WDPCP: variants seen among roughly 807,000 people sequenced by gnomAD.
The protein encoded by WDPCP is WD repeat-containing and planar cell polarity effector protein fritz homolog.
In WDPCP, 71 loss-of-function variants were observed where a neutral mutation model predicts 93.1. The ratio of observed to expected loss-of-function variants is 0.76; its 90% CI spans 0.63 to 0.93. WDPCP has a LOEUF of 0.93. WDPCP is among the 40% of genes least tolerant of loss of function. WDPCP has a pLI of 0.00. For synonymous variants in WDPCP, 315 were observed against 315.0 expected, an observed-to-expected ratio of 1.00 and a Z score of 0.00; for missense variants, 844 against 887.4, an observed-to-expected ratio of 0.95 and a Z score of 0.62.
intron 14 of WDPCP, among the ~76,000 whole-genome samples, chr2:63,186,884 A>G (rs139713214): frequency 2.0e-5 from 3 of 151,980 alleles, no homozygotes; most frequent in African/African-American, 7.2e-5. Context: ...TTGGGGGAAA[A>G]AAAAGAGAAG....
chr2:63,465,974 T>C (rs1054782804), intron 6 of WDPCP, among the ~76,000 whole-genome samples: 10 of 152,312 alleles, frequency 6.6e-5, no homozygotes, highest in African/African-American at 2.2e-4. Flanking sequence ...TGCCTGTGAA[T>C]TCACTGTAGT....
At chr2:63,145,412 C>T (rs1234147406) in intron 17 of WDPCP, among the ~76,000 whole-genome samples, 1 of 152,088 alleles carries the variant, frequency 6.6e-6, no homozygotes, top group African/African-American at 2.4e-5. Flanking sequence ...CTCAGACTCT[C>T]CTTGGGCAGG....
chr2:63,533,044 A>T (rs940210969), intron 1 of WDPCP, among the ~76,000 whole-genome samples: 1 of 152,172 alleles, frequency 6.6e-6, no homozygotes. Context: ...AACAAAAAAA[A>T]GCAGGGGTTG....
chr2:63,774,913 T>C (rs1670280601), intron 2 of WDPCP, among the ~76,000 whole-genome samples: 1 of 152,152 alleles, frequency 6.6e-6, no homozygotes, highest in Admixed American at 6.6e-5. Flanking sequence ...CTGTCTAAAA[T>C]ATAAGTCACA....
intron 1 of WDPCP, among the ~76,000 whole-genome samples, chr2:63,502,271 T>G (rs1473724056): frequency 6.6e-6 from 1 of 152,238 alleles, no homozygotes; most frequent in Non-Finnish European, 1.5e-5. Context: ...TATGTTCAAT[T>G]GAATAGTGAC....
intron 12 of WDPCP, chr2:63,377,823 A>AT (rs1388227991): frequency 1.3e-5 from 2 of 153,078 alleles, no homozygotes; most frequent in African/African-American, 4.9e-5. Context: ...ATGCTATTGT[A>AT]TTTTTCCTTT....
rs72813415 is a variant in WDPCP at position 63,150,905 on chromosome 2, T to C, written c.2190+2009A>G. Reference sequence around the variant, plus strand: ...TTTCACAAGAAGACTTTGCAAACAATGACAGCCTGTTATAATCTGTATCTT... The same window carrying C: ...TTTCACAAGAAGACTTTGCAAACAACGACAGCCTGTTATAATCTGTATCTT... On this transcript the variant is annotated intron_variant, in intron 17 of 17. Transcript: ENST00000272321. Among the ~76,000 whole-genome samples, 1,230 of 152,290 alleles carry C rather than the reference T, an allele frequency of 8.1e-3. 13 individuals are homozygous for C. Among genetic ancestry groups the C allele is most frequent in the Middle Eastern group, 0.014 (4 of 294 alleles).
intron 1 of WDPCP, among the ~76,000 whole-genome samples, chr2:63,823,276 G>A (rs556117357): frequency 6.6e-6 from 1 of 151,686 alleles, no homozygotes; most frequent in South Asian, 2.1e-4. Context: ...GGGAGGCCAA[G>A]GTGGACAGAT....
upstream of WDPCP, among the ~76,000 whole-genome samples, chr2:63,591,271 C>T (rs1217923876): frequency 1.3e-5 from 2 of 152,236 alleles, no homozygotes; most frequent in East Asian, 3.8e-4. Flanking sequence ...TCCTGCTTTT[C>T]AACTGCAATG....
intron 14 of WDPCP, among the ~76,000 whole-genome samples, chr2:63,190,487 C>T (rs1674963349): frequency 6.9e-6 from 1 of 145,180 alleles, no homozygotes; most frequent in Non-Finnish European, 1.5e-5. Context: ...TGCTAAAGGA[C>T]ATATTTTGGG....
upstream of WDPCP, chr2:63,589,045 T>C (rs201285458): frequency 6.2e-7 from 1 of 1,614,264 alleles, no homozygotes; most frequent in Non-Finnish European, 8.5e-7. Context: ...TTTTCAATCA[T>C]GGTGAGTGTG....
intron 1 of WDPCP, among the ~76,000 whole-genome samples, chr2:63,587,925 G>A (rs1410510053): frequency 6.6e-6 from 1 of 152,230 alleles, no homozygotes; most frequent in Non-Finnish European, 1.5e-5. Context: ...TCCTGGAAGG[G>A]AGAGGCTCAC....
Position 63,230,133 on chromosome 2 carries a change from T to C in WDPCP, c.1915+29174A>G, listed in dbSNP as rs193057828. 9.8e-4 allele frequency among the ~76,000 whole-genome samples: 130 copies of C among 133,140 alleles called. 1 individual carries two copies. Among genetic ancestry groups the C allele is most frequent in the African/African-American group, 3.3e-3 (120 of 36,604 alleles). 87.3% of individuals were successfully genotyped at this position (133,140 alleles called of 152,430 possible). A position where few individuals can be genotyped will look rare whatever the true frequency, so the allele number is the denominator to read the frequency against. ...CTGGTGTGTGATGTTCCCCACCCTG[T>C]GTCCAAGTATTCTCATTCTTCAATT... On this transcript the variant is annotated intron_variant, in intron 14 of 17. Coordinates refer to ENST00000272321, the MANE Select transcript of WDPCP (RefSeq NM_015910.7).
intron 2 of WDPCP, among the ~76,000 whole-genome samples, chr2:63,716,357 G>GCTTTGT: frequency 6.6e-6 from 1 of 152,272 alleles, no homozygotes; most frequent in East Asian, 1.9e-4. Context: ...CACTATTGCA[G>GCTTTGT]TAAGCTCCTC....
chr2:63,732,179 T>C (rs1039647148), intron 2 of WDPCP, among the ~76,000 whole-genome samples: 9 of 152,212 alleles, frequency 5.9e-5, no homozygotes, highest in African/African-American at 2.2e-4. Context: ...TATGCAATCA[T>C]AGCTTTCAAG....
intron 3 of WDPCP, chr2:63,595,446 T>C (rs1003470971): frequency 6.2e-7 from 1 of 1,612,098 alleles, no homozygotes; most frequent in Non-Finnish European, 8.5e-7. Context: ...TGCTGTTGGA[T>C]ATCACCCCCA....
rs1694385958 is a variant in WDPCP at position 63,404,303 on chromosome 2, C to G, written c.1180G>C (p.Val394Leu). 6.2e-7 allele frequency: 1 copy of G among 1,614,168 alleles called. No homozygotes were observed. Among genetic ancestry groups the G allele is most frequent in the Admixed American group, 1.7e-5 (1 of 59,996 alleles). Residue 394 changes from valine (V) to leucine (L), a missense_variant, in exon 10 of 18, where the codon GTT (valine) becomes CTT (leucine). Transcript: ENST00000272321. ...SCHPSGAILLVGSNQGELQIF... is the reference protein window; with the variant it reads ...SCHPSGAILLLGSNQGELQIF... ...TGCAACTCCCCTTGGTTGCTGCCAA[C>G]TAGCAGAATGGCACCACTTGGGTGG...
intron 13 of WDPCP, among the ~76,000 whole-genome samples, chr2:63,298,086 T>C (rs116324202): frequency 2.6e-3 from 395 of 152,184 alleles, no homozygotes; most frequent in African/African-American, 8.5e-3. Flanking sequence ...TAGGAATGCA[T>C]GGTATCTAAA....
At chr2:63,734,169 T>A (rs1419080249) in intron 2 of WDPCP, among the ~76,000 whole-genome samples, 1 of 152,208 alleles carries the variant, frequency 6.6e-6, no homozygotes, top group Non-Finnish European at 1.5e-5. Context: ...TCAGTTTTTT[T>A]AAATTTCCTT....
Sources: allele counts gnomAD v4.1 joint callset (sites outside exome capture counted in the v4.1 genomes callset), GRCh38; gene constraint gnomAD v4.1.1; transcripts MANE v1.5; gene names NCBI Gene and HGNC (gene_info 2026-07-23, HGNC 2026-07-21).